The following PPP1R12A variants were observed in gnomAD, a reference collection of about 807,000 sequenced individuals.
PPP1R12A encodes myosin binding subunit.
In PPP1R12A, 19 loss-of-function variants were observed where a neutral mutation model predicts 139.6. That is an observed-to-expected ratio of 0.14 (90% confidence interval 0.09 to 0.20). The LOEUF (loss-of-function observed/expected upper bound fraction) is 0.20, where lower values mean the gene tolerates loss of function less well. PPP1R12A is among the 10% of genes least tolerant of loss of function. The pLI is 1.00. For synonymous variants in PPP1R12A, 427 were observed against 420.6 expected, an observed-to-expected ratio of 1.02 and a Z score of -0.19; for missense variants, 925 against 1,211.5, an observed-to-expected ratio of 0.76 and a Z score of 3.51.
At chr12:79,885,009 A>T (rs992595036) in intron 1 of PPP1R12A, among the ~76,000 whole-genome samples, 1 of 152,214 alleles carries the variant, frequency 6.6e-6, no homozygotes, top group Admixed American at 6.5e-5. Flanking sequence ...ATTAAATTTC[A>T]TTCCTAAAAT....
intron 1 of PPP1R12A, 132 bp downstream of exon 1, chr12:79,934,563 C>T: frequency 1.2e-6 from 1 of 867,518 alleles, no homozygotes; most frequent in South Asian, 1.9e-5. Context: ...CTGGGGAAAC[C>T]GCCCCCTCAC....
chr12:79,802,347 A>G (rs1157802211), intron 14 of PPP1R12A, among the ~76,000 whole-genome samples: 2 of 152,216 alleles, frequency 1.3e-5, no homozygotes, highest in African/African-American at 4.8e-5. Flanking sequence ...AAAATGTCCA[A>G]TGGCTATTTT....
chr12:79,888,654 A>C (rs1161364438), intron 1 of PPP1R12A, among the ~76,000 whole-genome samples: 1 of 152,070 alleles, frequency 6.6e-6, no homozygotes, highest in Non-Finnish European at 1.5e-5. Context: ...ATAAACACTA[A>C]CCCTTACTTA....
chr12:79,802,462 T>G (rs1351036020), intron 14 of PPP1R12A, among the ~76,000 whole-genome samples: 1 of 152,188 alleles, frequency 6.6e-6, no homozygotes, highest in Non-Finnish European at 1.5e-5. Flanking sequence ...AGATGAAACC[T>G]AAATGTGATC....
chr12:79,842,433 G>A (rs367868322), intron 3 of PPP1R12A, among the ~76,000 whole-genome samples: 32 of 152,202 alleles, frequency 2.1e-4, no homozygotes, highest in African/African-American at 7.5e-4. Context: ...ATTTTCTGAT[G>A]AAGCACATTT....
intron 3 of PPP1R12A, among the ~76,000 whole-genome samples, chr12:79,841,683 GTTTAC>G (rs1208263232): frequency 1.3e-5 from 2 of 152,128 alleles, no homozygotes; most frequent in African/African-American, 4.8e-5. Context: ...AGCCTTAAAT[GTTTAC>G]TTTAAAGAAT....
chr12:79,817,778 T>C (rs1875590130), intron 8 of PPP1R12A, among the ~76,000 whole-genome samples: 1 of 152,206 alleles, frequency 6.6e-6, no homozygotes, highest in Admixed American at 6.5e-5. Context: ...ATCTGACTTC[T>C]GTACTTTTAA....
chr12:79,809,740 C>A, intron 10 of PPP1R12A, 55 bp downstream of exon 10: 2 of 1,391,692 alleles, frequency 1.4e-6, no homozygotes, highest in Non-Finnish European at 2.0e-6. Context: ...ATTTGATGTT[C>A]CTGGAAAAGA....
chr12:79,911,439 T>C lies in PPP1R12A; in HGVS notation c.237+23256A>G, dbSNP rs551517000. On this transcript the variant is annotated intron_variant, in intron 1 of 24. Coordinates refer to ENST00000450142, the MANE Select transcript of PPP1R12A (RefSeq NM_002480.3). ...TAGGGCAACAACAGACACTGGGGCC[T>C]ACCTGAGGGTGGAGGGTGGGAGAAG... Among the ~76,000 whole-genome samples the C allele has an allele frequency of 7.6e-4, 116 of 152,224 alleles. 1 individual carries two copies. In the South Asian group the frequency reaches 0.024, roughly 31 times the overall value.
chr12:79,912,404 A>G (rs1886645641), intron 1 of PPP1R12A, among the ~76,000 whole-genome samples: 4 of 152,186 alleles, frequency 2.6e-5, no homozygotes, highest in Admixed American at 2.6e-4. Context: ...TAAATTAATG[A>G]AACACTGCCA....
intron 12 of PPP1R12A, 70 bp downstream of exon 12, chr12:79,807,156 G>T (rs1873937170): frequency 2.6e-5 from 21 of 815,024 alleles, no homozygotes; most frequent in South Asian, 5.4e-5. Context: ...TTAAACTGAG[G>T]GCTCCAAACA....
At chr12:79,820,984 T>C (rs1249926639) in intron 7 of PPP1R12A, 53 bp from the exon 8 acceptor site, 6 of 1,602,980 alleles carry the variant, frequency 3.7e-6, no homozygotes, top group Middle Eastern at 1.7e-4. Context: ...GGTTAAAATA[T>C]ATTCATTCTT....
At chr12:79,885,698 T>C (rs151258780) in intron 1 of PPP1R12A, among the ~76,000 whole-genome samples, 87 of 152,282 alleles carry the variant, frequency 5.7e-4, no homozygotes, top group African/African-American at 2.0e-3. Flanking sequence ...ATTATAACAA[T>C]TTAGGTGAAA....
intron 14 of PPP1R12A, 103 bp downstream of exon 14, chr12:79,805,489 C>G: frequency 9.5e-7 from 1 of 1,052,338 alleles, no homozygotes; most frequent in Non-Finnish European, 1.4e-6. Context: ...TATTAGTCTA[C>G]TGGAGAGATG....
chr12:79,855,278 G>A (rs1413818049), intron 2 of PPP1R12A, among the ~76,000 whole-genome samples: 1 of 152,054 alleles, frequency 6.6e-6, no homozygotes, highest in African/African-American at 2.4e-5. Flanking sequence ...GTGAGCCACC[G>A]CGCCTGGCCC....
At chr12:79,902,813 G>A (rs1287249206) in intron 1 of PPP1R12A, among the ~76,000 whole-genome samples, 1 of 152,078 alleles carries the variant, frequency 6.6e-6, no homozygotes. Context: ...CCAACATGAT[G>A]CCACAAGTGG....
chr12:79,914,246 T>C (rs1448237626), intron 1 of PPP1R12A, among the ~76,000 whole-genome samples: 1 of 151,984 alleles, frequency 6.6e-6, no homozygotes, highest in African/African-American at 2.4e-5. Context: ...TTCAAAATGG[T>C]ATTTTATTGC....
intron 1 of PPP1R12A, among the ~76,000 whole-genome samples, chr12:79,921,044 C>T (rs35605181): frequency 0.079 from 12,081 of 152,128 alleles, 1,209 homozygotes; most frequent in African/African-American, 0.24. Context: ...ATTTTACTGT[C>T]GACTCTATGA....
intron 2 of PPP1R12A, among the ~76,000 whole-genome samples, chr12:79,870,526 T>C (rs547590139): frequency 3.1e-4 from 47 of 152,322 alleles, no homozygotes; most frequent in Middle Eastern, 3.4e-3. Context: ...GTCATTATTT[T>C]AAAAAAGAAT....
Sources: gnomAD v4.1 joint callset for allele counts (sites outside exome capture counted in the v4.1 genomes callset) on GRCh38, gnomAD v4.1.1 for gene constraint, MANE v1.5 for transcripts, NCBI Gene and HGNC (gene_info 2026-07-23, HGNC 2026-07-21) for gene names.